Variants in ZFHX3 observed in about 807,000 individuals in gnomAD.
The protein encoded by ZFHX3 is zinc finger homeobox protein 3.
ZFHX3 carries 42 observed loss-of-function variants against 279.1 expected under a neutral mutation model. The ratio of observed to expected loss-of-function variants is 0.15; its 90% CI spans 0.12 to 0.19. ZFHX3 has a LOEUF of 0.19. Ranked by LOEUF, ZFHX3 falls within the 10% of genes least tolerant of loss-of-function variation. The probability of loss-of-function intolerance (pLI) is 1.00; values close to 1 mark genes in which losing one functional copy is unlikely to be tolerated. For synonymous variants in ZFHX3, 2,293 were observed against 1,957.8 expected (o/e 1.17, Z -4.52); for missense variants, 4,981 against 4,754.0 (o/e 1.05, Z -1.40).
chr16:73,658,208 A>G (rs1156732338), intron 2 of ZFHX3, among the ~76,000 whole-genome samples: 2 of 152,240 alleles, frequency 1.3e-5, no homozygotes, highest in African/African-American at 4.8e-5. Context: ...ATTTCAGGAA[A>G]TACTAGCCTT....
intron 1 of ZFHX3, among the ~76,000 whole-genome samples, chr16:73,835,918 C>G (rs531096754): frequency 1.3e-4 from 20 of 152,088 alleles, no homozygotes; most frequent in Non-Finnish European, 2.4e-4. Flanking sequence ...CTACTTTTTC[C>G]ACATCCTGGC....
At chr16:73,038,211 G>A (rs573388925) in intron 1 of ZFHX3, among the ~76,000 whole-genome samples, 36 of 151,942 alleles carry the variant, frequency 2.4e-4, no homozygotes, top group East Asian at 5.9e-4. Flanking sequence ...CGGGGCCCTC[G>A]GGATATTGAC....
At chr16:73,154,478 C>T in intron 5 of ZFHX3, among the ~76,000 whole-genome samples, 1 of 152,144 alleles carries the variant, frequency 6.6e-6, no homozygotes, top group East Asian at 1.9e-4. Context: ...GTTATCCTTG[C>T]AGGTCTGTCA....
intron 1 of ZFHX3, among the ~76,000 whole-genome samples, chr16:73,836,507 T>G (rs756324620): frequency 2.6e-5 from 4 of 152,204 alleles, no homozygotes; most frequent in Non-Finnish European, 4.4e-5. Flanking sequence ...AATCCTCAAA[T>G]GTAACTGAAG....
chr16:73,717,902 T>C (rs2729616), intron 1 of ZFHX3, among the ~76,000 whole-genome samples: 148,259 of 152,308 alleles, frequency 0.97, 72,250 homozygotes, highest in African/African-American at 0.99. Context: ...GTGGCTCTGG[T>C]GTAAAGAGCA....
intron 5 of ZFHX3, among the ~76,000 whole-genome samples, chr16:73,189,231 G>A (rs1278468870): frequency 2.6e-5 from 4 of 152,128 alleles, no homozygotes; most frequent in Admixed American, 6.5e-5. Flanking sequence ...ATTCTCCAAC[G>A]TCTCTACCTT....
At chr16:73,307,862 ACATTTGGAAATGGG>A (rs2015218481) in intron 4 of ZFHX3, among the ~76,000 whole-genome samples, 1 of 152,178 alleles carries the variant, frequency 6.6e-6, no homozygotes, top group African/African-American at 2.4e-5. Flanking sequence ...CTGTGGGATG[ACATTTGGAAATGGG>A]CACCAGGTAC....
chr16:73,580,283 T>G (rs909946209), intron 2 of ZFHX3, among the ~76,000 whole-genome samples: 3 of 151,754 alleles, frequency 2.0e-5, no homozygotes, highest in Admixed American at 6.6e-5. Context: ...GTTGAGACCA[T>G]CCTGGCCAAC....
In ZFHX3 at chr16:72,982,779, G is replaced by A. The variant is rs928187530; in HGVS notation, c.-49-22585C>T. ...GTTTAAGATCTGAGGAGTAGCCTGG[G>A]TGCAACTCCTCCTCTTAGACCCTAG... is the stretch of plus-strand genomic sequence containing the variant. On this transcript the variant is annotated intron_variant, in intron 1 of 9. Transcript: ENST00000268489. Among the ~76,000 whole-genome samples the A allele has an allele frequency of 2.6e-5, 4 of 152,162 alleles. No homozygotes were observed. In the East Asian group the frequency reaches 5.8e-4, roughly 22 times the overall value.
chr16:72,805,172 G>A (rs1420161868), intron 7 of ZFHX3, among the ~76,000 whole-genome samples: 1 of 151,794 alleles, frequency 6.6e-6, no homozygotes. Context: ...AATAGAGATG[G>A]GGTTTCACCA....
chr16:72,887,558 G>A (rs1295603232), intron 4 of ZFHX3, among the ~76,000 whole-genome samples: 1 of 151,792 alleles, frequency 6.6e-6, no homozygotes, highest in Admixed American at 6.6e-5. Flanking sequence ...GTTGTGTGGG[G>A]GGTGCAGGAG....
At chr16:73,197,922 TG>T (rs1158323652) in intron 5 of ZFHX3, among the ~76,000 whole-genome samples, 3 of 123,348 alleles carry the variant, frequency 2.4e-5, no homozygotes, top group South Asian at 2.7e-4. Flanking sequence ...TCTGATTTGG[TG>T]GTTTTTTTTT....
At chr16:73,237,723 A>C (rs2012999053) in intron 5 of ZFHX3, among the ~76,000 whole-genome samples, 1 of 151,766 alleles carries the variant, frequency 6.6e-6, no homozygotes, top group Non-Finnish European at 1.5e-5. Context: ...CTTCACCATG[A>C]GGTTTTTTTT....
intron 1 of ZFHX3, among the ~76,000 whole-genome samples, chr16:72,977,271 G>A (rs916518916): frequency 6.6e-6 from 1 of 152,048 alleles, no homozygotes; most frequent in Non-Finnish European, 1.5e-5. Flanking sequence ...AGTGCAGCAG[G>A]TTCCAGACGC....
At chr16:72,955,731 C>T (rs7190116) in intron 2 of ZFHX3, among the ~76,000 whole-genome samples, 111,741 of 148,276 alleles carry the variant, frequency 0.75, 42,286 homozygotes, top group Admixed American at 0.82. Context: ...TGAGCCGAGA[C>T]GGCACCACTC....
chr16:73,792,770 AC>A (rs1356079198), intron 1 of ZFHX3, among the ~76,000 whole-genome samples: 1 of 152,126 alleles, frequency 6.6e-6, no homozygotes, highest in African/African-American at 2.4e-5. Context: ...GTTAATACCA[AC>A]CTTTTTCTTT....
chr16:73,703,448 G>T (rs1567556144), intron 1 of ZFHX3, among the ~76,000 whole-genome samples: 1 of 151,898 alleles, frequency 6.6e-6, no homozygotes, highest in African/African-American at 2.4e-5. Flanking sequence ...AAATAGGTTT[G>T]GTTGGTTCAA....
chr16:73,561,590 A>T (rs956892206), intron 2 of ZFHX3, among the ~76,000 whole-genome samples: 1 of 152,246 alleles, frequency 6.6e-6, no homozygotes. Context: ...CTTTCTCTTA[A>T]CAAGTCAACT....
chr16:73,812,663 T>C lies in ZFHX3; in HGVS notation c.-1608+78988A>G, dbSNP rs556214545. The C allele has an allele frequency of 2.6e-5, 4 of 152,358 alleles. No individual in the cohort carries two copies. The East Asian group carries it at 7.7e-4, about 29-fold the overall frequency. 9.4% of individuals were successfully genotyped at this position (152,358 alleles called of 1,614,324 possible). A position where few individuals can be genotyped will look rare whatever the true frequency, so the allele number is the denominator to read the frequency against. ...CCTGTAAGAGCTAGCCCTTTTCTATTATAGACTATACCTTATTCATCTCAG... is the reference window on the plus strand; with the variant it reads ...CCTGTAAGAGCTAGCCCTTTTCTATCATAGACTATACCTTATTCATCTCAG... On this transcript the variant is annotated intron_variant, in intron 1 of 17. Coordinates refer to the ZFHX3 transcript ENST00000641206.
Sources: allele counts gnomAD v4.1 joint callset (sites outside exome capture counted in the v4.1 genomes callset), GRCh38; gene constraint gnomAD v4.1.1; transcripts MANE v1.5; gene names NCBI Gene and HGNC (gene_info 2026-07-23, HGNC 2026-07-21).